Variants in GRM7 observed in about 807,000 individuals in gnomAD.
The protein encoded by GRM7 is metabotropic glutamate receptor 7.
A neutral mutation model predicts 84.5 loss-of-function variants in GRM7; 35 were observed. That is an observed-to-expected ratio of 0.41 (90% CI 0.32 to 0.55). The LOEUF is 0.55. Among genes scored for constraint, GRM7 ranks in the 20% least tolerant of loss-of-function variants. The pLI is 0.19. For synonymous variants in GRM7, 487 were observed against 455.1 expected (o/e 1.07, Z -0.89); for missense variants, 1,003 against 1,194.6 (o/e 0.84, Z 2.36).
At chr3:7,545,819 C>G (rs1458931709) in intron 7 of GRM7, among the ~76,000 whole-genome samples, 1 of 152,082 alleles carries the variant, frequency 6.6e-6, no homozygotes, top group African/African-American at 2.4e-5. Context: ...AAGCTATACA[C>G]TTAAAATTTG....
intron 2 of GRM7, among the ~76,000 whole-genome samples, chr3:7,241,439 T>A (rs1697554422): frequency 6.6e-6 from 1 of 152,170 alleles, no homozygotes; most frequent in African/African-American, 2.4e-5. Context: ...TAGAACTTAC[T>A]TTTTTAAAGT....
chr3:7,678,245 CACAT>C lies in GRM7; in HGVS notation c.2452-1800_2452-1797del, dbSNP rs1459895300. Among the ~76,000 whole-genome samples, 3 of 152,180 alleles carry C rather than the reference CACAT, an allele frequency of 2.0e-5. No homozygotes were observed. The East Asian group carries it at 5.8e-4, about 29-fold the overall frequency. On this transcript the variant is annotated intron_variant, in intron 8 of 9. Coordinates refer to ENST00000357716, the MANE Select transcript of GRM7 (RefSeq NM_000844.4). ...TGAAAAAAGAAAACATATGTGTACACACATACAAATATACATAAGCATATATGCA... is the reference window on the plus strand; with the variant it reads ...TGAAAAAAGAAAACATATGTGTACACACAAATATACATAAGCATATATGCA...
chr3:7,185,713 A>T (rs73124162), intron 2 of GRM7, among the ~76,000 whole-genome samples: 1 of 152,152 alleles, frequency 6.6e-6, no homozygotes, highest in Non-Finnish European at 1.5e-5. Context: ...CATCCTGTGC[A>T]CTAACTCAGA....
At chr3:6,958,307 T>A (rs1693152227) in intron 1 of GRM7, among the ~76,000 whole-genome samples, 2 of 152,080 alleles carry the variant, frequency 1.3e-5, no homozygotes, top group Admixed American at 1.3e-4. Flanking sequence ...TCTGTGCTAT[T>A]TTGTGTTATC....
rs1202702069 is a variant in GRM7 at position 7,359,590 on chromosome 3, C to A, written c.1033+52938C>A. 1.4e-5 allele frequency among the ~76,000 whole-genome samples: 2 copies of A among 147,962 alleles called. 1 individual carries two copies. The highest frequency in any genetic ancestry group is 1.3e-4 in the Admixed American group (2 of 14,830). ...CCTCAAGTGATCCACCTGCCTTGGACTCCCAAAGTGTTGGGATTACCCAAA... is the reference window on the plus strand; with the variant it reads ...CCTCAAGTGATCCACCTGCCTTGGAATCCCAAAGTGTTGGGATTACCCAAA... On this transcript the variant is annotated intron_variant, in intron 4 of 9. Transcript: ENST00000357716.
chr3:7,507,834 A>G (rs1217098533), intron 7 of GRM7, among the ~76,000 whole-genome samples: 2 of 152,180 alleles, frequency 1.3e-5, no homozygotes, highest in East Asian at 3.8e-4. Flanking sequence ...GAATGCTTAC[A>G]TATTTTTATG....
intron 1 of GRM7, among the ~76,000 whole-genome samples, chr3:6,999,661 TG>T (rs1459316421): frequency 1.3e-5 from 2 of 152,156 alleles, no homozygotes; most frequent in Non-Finnish European, 2.9e-5. Context: ...CTTACAATCA[TG>T]GTGGAAGAGG....
intron 1 of GRM7, among the ~76,000 whole-genome samples, chr3:6,990,536 G>A (rs1694595618): frequency 6.6e-6 from 1 of 152,158 alleles, no homozygotes; most frequent in Non-Finnish European, 1.5e-5. Flanking sequence ...TCCATGGAGG[G>A]AGAGGGTTTC....
At chr3:6,989,794 C>T (rs1694563838) in intron 1 of GRM7, among the ~76,000 whole-genome samples, 1 of 152,226 alleles carries the variant, frequency 6.6e-6, no homozygotes, top group South Asian at 2.1e-4. Flanking sequence ...ATCAGTGTAA[C>T]TAACATCTGT....
intron 4 of GRM7, among the ~76,000 whole-genome samples, chr3:7,320,098 T>G (rs1245532758): frequency 6.6e-6 from 1 of 152,018 alleles, no homozygotes; most frequent in Non-Finnish European, 1.5e-5. Flanking sequence ...ATACATTTTT[T>G]TCTATTCTTG....
At chr3:7,364,110 A>G (rs1693779283) in intron 4 of GRM7, among the ~76,000 whole-genome samples, 1 of 152,058 alleles carries the variant, frequency 6.6e-6, no homozygotes, top group Non-Finnish European at 1.5e-5. Flanking sequence ...GTGTATTAAA[A>G]TGTTCTACCT....
In GRM7 at chr3:7,266,010, C is replaced by T. The variant is rs569905197; in HGVS notation, c.737-32674C>T. The stretch of plus-strand genomic sequence containing the variant: ...CTGGGCACAGGCAGTGTCTTAATCC[C>T]GATTTCAGGGGAGATGTATGAGCCT... On this transcript the variant is annotated intron_variant, in intron 2 of 9. Coordinates refer to ENST00000357716, the MANE Select transcript of GRM7 (RefSeq NM_000844.4). Among the ~76,000 whole-genome samples, 7 of 152,162 alleles carry T rather than the reference C, an allele frequency of 4.6e-5. No homozygotes were observed. The South Asian group carries it at 8.3e-4, about 18-fold the overall frequency.
At chr3:7,334,544 T>G (rs1282396494) in intron 4 of GRM7, among the ~76,000 whole-genome samples, 3 of 151,950 alleles carry the variant, frequency 2.0e-5, no homozygotes, top group African/African-American at 7.3e-5. Context: ...ACTAGCATGA[T>G]GAATAGAACA....
At chr3:6,955,841 C>CAAAAAAA (rs35751915) in intron 1 of GRM7, among the ~76,000 whole-genome samples, 3 of 141,248 alleles carry the variant, frequency 2.1e-5, no homozygotes, top group Admixed American at 7.1e-5. Context: ...GACTCTATCT[C>CAAAAAAA]AAAAAAAAAA....
chr3:6,908,017 C>T, intron 1 of GRM7, among the ~76,000 whole-genome samples: 1 of 152,102 alleles, frequency 6.6e-6, no homozygotes, highest in East Asian at 1.9e-4. Context: ...ATTACATATA[C>T]TGTACATACG....
chr3:7,293,742 C>A (rs562991623), intron 2 of GRM7, among the ~76,000 whole-genome samples: 4 of 152,204 alleles, frequency 2.6e-5, no homozygotes, highest in African/African-American at 9.6e-5. Context: ...ATGAAAAATT[C>A]CATTTTTTGC....
At chr3:7,087,303 TA>T (rs1340375494) in intron 1 of GRM7, among the ~76,000 whole-genome samples, 1 of 152,260 alleles carries the variant, frequency 6.6e-6, no homozygotes, top group East Asian at 1.9e-4. Flanking sequence ...TTATAGTACT[TA>T]AAGTTTTTGG....
At chr3:7,602,080 CAAAAAAAAA>C (rs562646639) in intron 8 of GRM7, among the ~76,000 whole-genome samples, 3 of 93,798 alleles carry the variant, frequency 3.2e-5, no homozygotes, top group East Asian at 3.7e-4. Context: ...ATTACCAGGA[CAAAAAAAAA>C]AAAAAAAAAA....
At chr3:7,094,704 T>A (rs1698791971) in intron 1 of GRM7, among the ~76,000 whole-genome samples, 1 of 152,202 alleles carries the variant, frequency 6.6e-6, no homozygotes, top group Non-Finnish European at 1.5e-5. Context: ...CTTAGTTCTG[T>A]AACTTGGGGA....
Sources: gnomAD v4.1 joint callset for allele counts (sites outside exome capture counted in the v4.1 genomes callset) on GRCh38, gnomAD v4.1.1 for gene constraint, MANE v1.5 for transcripts, NCBI Gene and HGNC (gene_info 2026-07-23, HGNC 2026-07-21) for gene names.